DNAH9: variants seen among roughly 807,000 people sequenced by gnomAD.
DNAH9 encodes dynein axonemal heavy chain 9.
In DNAH9, 345 loss-of-function variants were observed where a neutral mutation model predicts 471.6. The observed-to-expected ratio is 0.73, with a 90% CI of 0.67 to 0.80. The LOEUF (loss-of-function observed/expected upper bound fraction) is 0.80, where lower values mean the gene tolerates loss of function less well. Among genes scored for constraint, DNAH9 ranks in the 30% least tolerant of loss-of-function variants. DNAH9 has a pLI of 0.00. For synonymous variants in DNAH9, 2,093 were observed against 2,123.6 expected, an observed-to-expected ratio of 0.99 and a Z score of 0.40; for missense variants, 5,407 against 5,609.2, an observed-to-expected ratio of 0.96 and a Z score of 1.15.
chr17:11,705,144 G>A lies in DNAH9; in HGVS notation c.5511G>A (p.Leu1837=), dbSNP rs2074677546. ...AGTTTTTGTATTCCTATGAGTACCT[G>A]GGAAACACACCTCGCTTGGTGATCA... The part of the protein sequence containing the change: ...DAQFLYSYEY[L]GNTPRLVITP... Residue 1837 remains leucine (L), a synonymous_variant, in exon 26 of 69, where the codon CTG becomes CTA. Coordinates refer to ENST00000262442, the MANE Select transcript of DNAH9 (RefSeq NM_001372.4). The A allele has an allele frequency of 3.1e-6, 5 of 1,614,030 alleles. No homozygotes were observed. Among genetic ancestry groups the A allele is most frequent in the Non-Finnish European group, 4.2e-6 (5 of 1,180,018 alleles).
At chr17:11,903,929 G>A (rs1179383360) in intron 60 of DNAH9, among the ~76,000 whole-genome samples, 1 of 126,872 alleles carries the variant, frequency 7.9e-6, no homozygotes, top group African/African-American at 2.9e-5. Flanking sequence ...AAGAAGGAAG[G>A]AAGGAAAAAT....
intron 49 of DNAH9, among the ~76,000 whole-genome samples, chr17:11,840,849 T>C (rs1236424159): frequency 6.6e-6 from 1 of 152,132 alleles, no homozygotes; most frequent in Non-Finnish European, 1.5e-5. Flanking sequence ...GTGCAACGGA[T>C]TCTCCACAAA....
intron 17 of DNAH9, among the ~76,000 whole-genome samples, chr17:11,678,182 C>T (rs1159626020): frequency 6.6e-6 from 1 of 152,124 alleles, no homozygotes; most frequent in African/African-American, 2.4e-5. Flanking sequence ...CTCAGCATCC[C>T]GAGTAGCTGG....
At chr17:11,806,215 C>G (rs1012428730) in intron 43 of DNAH9, among the ~76,000 whole-genome samples, 1 of 152,298 alleles carries the variant, frequency 6.6e-6, no homozygotes, top group East Asian at 1.9e-4. Flanking sequence ...AGCAGATCCA[C>G]CTTTTGATCA....
chr17:11,768,730 T>C lies in DNAH9; in HGVS notation c.7344+104T>C, dbSNP rs1312161461. On this transcript the variant is annotated intron_variant, in intron 37 of 68. Transcript: ENST00000262442. ...TGGCTATCTGAGCATTTGTCCTTGCTAGGAACTAGTCATCCCCAGCTCCAT... is the reference window on the plus strand; with the variant it reads ...TGGCTATCTGAGCATTTGTCCTTGCCAGGAACTAGTCATCCCCAGCTCCAT... 3.6e-6 allele frequency: 5 copies of C among 1,376,418 alleles called. No homozygotes were observed. The African/African-American group carries it at 7.2e-5, about 20-fold the overall frequency. 85.3% of individuals were successfully genotyped at this position (1,376,418 alleles called of 1,614,324 possible).
At position 11,891,856 on chromosome 17, in the gene DNAH9, T is replaced by C. The variant is rs943733730; in HGVS notation, c.11192T>C (p.Ile3731Thr). The C allele has an allele frequency of 1.4e-5, 22 of 1,613,988 alleles. No individual in the cohort carries two copies. The highest frequency in any genetic ancestry group is 1.0e-4 in the Admixed American group (6 of 59,994). ...ESLRERVANLIDSITFSVYQY... is the reference protein window; with the variant it reads ...ESLRERVANLTDSITFSVYQY... The stretch of plus-strand genomic sequence containing the variant: ...CTCAGGGAGCGGGTGGCCAACCTAA[T>C]AGACAGCATAACCTTCTCTGTGTAC... Residue 3731 changes from isoleucine (I) to threonine (T), a missense_variant, in exon 58 of 69, where the codon ATA (isoleucine) becomes ACA (threonine). By Grantham distance (89) the Ile-to-Thr change is moderately conservative. Around this residue, in one of 3 missense-constraint regions of DNAH9, gnomAD observed 4,636 missense variants for 4,900.3 expected, o/e 0.95. Transcript: ENST00000262442.
rs1316899724 is a variant in DNAH9, at chr17:11,608,995, C to T, written c.614+670C>T. On this transcript the variant is annotated intron_variant, in intron 2 of 68. Coordinates refer to ENST00000262442, the MANE Select transcript of DNAH9 (RefSeq NM_001372.4). ...TTTCTATCCCTTGGGAATTCTTTTC[C>T]CCTTTCAAGCCAGGCTATGCATATA... Among the ~76,000 whole-genome samples, 7 of 152,102 alleles carry T rather than the reference C, an allele frequency of 4.6e-5. No individual in the cohort carries two copies. The East Asian group carries it at 1.3e-3, about 29-fold the overall frequency.
rs748655650 is a variant in DNAH9 at position 11,823,033 on chromosome 17, A to G, written c.9245A>G (p.Gln3082Arg). 2 of 1,610,834 alleles carry G rather than the reference A, an allele frequency of 1.2e-6. No homozygotes were observed. The highest frequency in any genetic ancestry group is 1.7e-6 in the Non-Finnish European group (2 of 1,178,306). Residue 3082 changes from glutamine (Q) to arginine (R), a missense_variant and splice_region_variant, in exon 48 of 69, where the codon CAG becomes CGG. Physicochemically the swap from Gln to Arg is conservative, Grantham distance 43. This residue lies in a region of DNAH9 where 4,636 missense variants were observed against 4,900.3 expected (regional missense o/e 0.95). Transcript: ENST00000262442. ...CTGAAGCTGCATAGCACCTCTGCCC[A>G]GGTGAGCAATGTCCCGCTCCTTCCA... Reference protein sequence around the residue: ...GLLKLHSTSAQVDDLKAKLAA... With the variant: ...GLLKLHSTSARVDDLKAKLAA...
At chr17:11,775,336 ATC>A (rs1378573246) in intron 38 of DNAH9, among the ~76,000 whole-genome samples, 4 of 152,186 alleles carry the variant, frequency 2.6e-5, no homozygotes, top group Non-Finnish European at 5.9e-5. Context: ...AAATTTAAGA[ATC>A]TACATTGAAC....
At chr17:11,779,910 A>G (rs1968606257) in intron 38 of DNAH9, among the ~76,000 whole-genome samples, 1 of 152,324 alleles carries the variant, frequency 6.6e-6, no homozygotes, top group African/African-American at 2.4e-5. Context: ...TCTTGAAGGA[A>G]CTTGTCTATC....
At chr17:11,801,405 A>G (rs1372175959) in intron 43 of DNAH9, among the ~76,000 whole-genome samples, 1 of 152,126 alleles carries the variant, frequency 6.6e-6, no homozygotes, top group Non-Finnish European at 1.5e-5. Flanking sequence ...TAAAAGTTCA[A>G]CCTGCCGGGC....
chr17:11,619,487 G>C, intron 5 of DNAH9, 61 bp from the exon 6 acceptor site: 2 of 884,122 alleles, frequency 2.3e-6, no homozygotes, highest in Non-Finnish European at 3.8e-6. Context: ...TTCAGAGTTG[G>C]TGTTGCAAAG....
chr17:11,771,791 A>AC lies in DNAH9; in HGVS notation c.7552+2462_7552+2463insC, dbSNP rs1567791102. 5.9e-4 allele frequency among the ~76,000 whole-genome samples: 89 copies of AC among 151,794 alleles called. 1 individual carries two copies. Among genetic ancestry groups the AC allele is most frequent in the Middle Eastern group, 6.8e-3 (2 of 294 alleles). On this transcript the variant is annotated intron_variant, in intron 38 of 68. Transcript: ENST00000262442. ...TGTTACAACTACACTACTACTACTA[A>AC]TAATAATAATAATAGCAACAACAAC...
intron 45 of DNAH9, among the ~76,000 whole-genome samples, chr17:11,820,679 A>G (rs77228221): frequency 0.049 from 7,526 of 152,152 alleles, 623 homozygotes; most frequent in African/African-American, 0.17. Flanking sequence ...TTCTTTACAT[A>G]CTAAGATTAA....
At chr17:11,631,010 G>T (rs757555790) in intron 7 of DNAH9, among the ~76,000 whole-genome samples, 19 of 152,172 alleles carry the variant, frequency 1.2e-4, no homozygotes, top group Admixed American at 5.9e-4. Flanking sequence ...CACCTGGACA[G>T]AATTTTATTA....
chr17:11,938,755 C>T (rs933047890), intron 66 of DNAH9, among the ~76,000 whole-genome samples: 3 of 151,900 alleles, frequency 2.0e-5, no homozygotes, highest in Admixed American at 6.5e-5. Context: ...TGTACCACCA[C>T]GCCCTGCTAA....
chr17:11,783,731 A>G lies in DNAH9; in HGVS notation c.7804A>G (p.Ile2602Val). 1 of 1,614,080 alleles carries G rather than the reference A, an allele frequency of 6.2e-7. No individual in the cohort carries two copies. Among genetic ancestry groups the G allele is most frequent in the Non-Finnish European group, 8.5e-7 (1 of 1,179,980 alleles). Residue 2602 changes from isoleucine to valine, a missense_variant, in exon 40 of 69, where the codon ATC (isoleucine) becomes GTC (valine). Physicochemically the swap from Ile to Val is conservative, Grantham distance 29. Coordinates refer to ENST00000262442, the MANE Select transcript of DNAH9 (RefSeq NM_001372.4). ...GAACCCCACGGCAGGCAGCTTCACC[A>G]TCAACCCCCGGCTTCAGGTACAGGA... ...CMNPTAGSFTINPRLQRHFSV... is the reference protein window; with the variant it reads ...CMNPTAGSFTVNPRLQRHFSV...
intron 19 of DNAH9, among the ~76,000 whole-genome samples, chr17:11,687,884 CCAGCACTTTGGGAGGCTGAGG>C (rs1337336925): frequency 3.3e-5 from 5 of 151,704 alleles, no homozygotes; most frequent in African/African-American, 1.2e-4. Flanking sequence ...GCCTATGGTC[CCAGCACTTTGGGAGGCTGAGG>C]CAGGTGGATC....
At chr17:11,854,486 T>G in intron 50 of DNAH9, 58 bp downstream of exon 50, 5 of 1,525,142 alleles carry the variant, frequency 3.3e-6, no homozygotes, top group Non-Finnish European at 4.4e-6. Context: ...AACAACGCTC[T>G]TCAGACACCA....
Sources: allele counts gnomAD v4.1 joint callset (sites outside exome capture counted in the v4.1 genomes callset), GRCh38; gene constraint gnomAD v4.1.1; regional missense constraint gnomAD v4.1.1; transcripts MANE v1.5; gene names NCBI Gene and HGNC (gene_info 2026-07-23, HGNC 2026-07-21).